Variants in ZNF200 observed in about 807,000 individuals in gnomAD.
ZNF200 encodes zinc finger protein 200.
A neutral mutation model predicts 33.6 loss-of-function variants in ZNF200; 35 were observed. That is an observed-to-expected ratio of 1.04 (90% CI 0.80 to 1.38). The LOEUF (loss-of-function observed/expected upper bound fraction) is 1.38. Ranked by LOEUF, ZNF200 falls within the 40% of genes most tolerant of loss-of-function variation. The pLI is 0.00. For synonymous variants in ZNF200, 209 were observed against 167.7 expected, an observed-to-expected ratio of 1.25 and a Z score of -1.90; for missense variants, 592 against 470.6, an observed-to-expected ratio of 1.26 and a Z score of -2.39.
Position 3,222,779 on chromosome 16 carries a change from A to C in ZNF200, c.*1113T>G, listed in dbSNP as rs1319235269. The stretch of plus-strand genomic sequence containing the variant: ...CTAGGCAGAGGACAGGAAGGTATGG[A>C]TATCAAGAGGCTGAAGACAATTAAT... On this transcript the variant is annotated 3_prime_UTR_variant, in exon 5 of 5. Coordinates refer to ENST00000414144, the MANE Select transcript of ZNF200 (RefSeq NM_198088.3). The C allele has an allele frequency of 6.6e-6, 1 of 152,250 alleles. No individual in the cohort carries two copies. The highest frequency in any genetic ancestry group is 1.5e-5 in the Non-Finnish European group (1 of 68,054). 9.4% of individuals were successfully genotyped at this position (152,250 alleles called of 1,614,324 possible).
Position 3,233,706 on chromosome 16 carries a change from A to G in ZNF200, c.50T>C (p.Phe17Ser). 6.2e-7 allele frequency: 1 copy of G among 1,613,682 alleles called. No homozygotes were observed. Among genetic ancestry groups the G allele is most frequent in the Non-Finnish European group, 8.5e-7 (1 of 1,179,914 alleles). The change falls in exon 2 of 5, where the codon TTT becomes TCT. Residue 17 changes from phenylalanine to serine, a missense_variant. By Grantham distance (155) the Phe-to-Ser change is radical. Coordinates refer to ENST00000414144, the MANE Select transcript of ZNF200 (RefSeq NM_198088.3). ...VPMPPKPKQS[F>S]ILRVPPDSKL... ...GGAGTCTGGCGGAACTCTCAGTATA[A>G]AGGACTGCTTTGGCTTTGGGGGCAT...
intron 4 of ZNF200, among the ~76,000 whole-genome samples, chr16:3,228,152 T>C (rs953738049): frequency 8.5e-5 from 13 of 152,216 alleles, no homozygotes; most frequent in African/African-American, 2.7e-4. Context: ...TAAACTTTCA[T>C]GTTTCTATTC....
rs1207428712 is a variant in ZNF200 at position 3,224,411 on chromosome 16, C to G, written c.669G>C (p.Glu223Asp). 19 of 1,614,166 alleles carry G rather than the reference C, an allele frequency of 1.2e-5. No individual in the cohort carries two copies. Among genetic ancestry groups the G allele is most frequent in the Non-Finnish European group, 1.5e-5 (18 of 1,180,030 alleles). ...RKMRNLLVTI[E>D]NDTPLEELSK... ...AGAGTTCCTCTAGAGGAGTATCATT[C>G]TCAATGGTAACTAACAGATTTCTCA... is the stretch of plus-strand genomic sequence containing the variant. Residue 223 changes from glutamate (E) to aspartate (D), a missense_variant, in exon 5 of 5, where the codon GAG becomes GAC. Physicochemically the swap from Glu to Asp is conservative, Grantham distance 45 (BLOSUM62 2). Transcript: ENST00000414144.
In ZNF200 at chr16:3,222,776, T is replaced by C. The variant is rs1373919018; in HGVS notation, c.*1116A>G. The C allele has an allele frequency of 6.6e-6, 1 of 152,224 alleles. No individual in the cohort carries two copies. Among genetic ancestry groups the C allele is most frequent in the African/African-American group, 2.4e-5 (1 of 41,444 alleles). 9.4% of individuals were successfully genotyped at this position (152,224 alleles called of 1,614,324 possible). The stretch of plus-strand genomic sequence containing the variant: ...CTTCTAGGCAGAGGACAGGAAGGTA[T>C]GGATATCAAGAGGCTGAAGACAATT... On this transcript the variant is annotated 3_prime_UTR_variant, in exon 5 of 5. Transcript: ENST00000414144.
chr16:3,223,948 T>G lies in ZNF200; in HGVS notation c.1132A>C (p.Asn378His), dbSNP rs765774396. 1.9e-6 allele frequency: 3 copies of G among 1,614,130 alleles called. No homozygotes were observed. The highest frequency in any genetic ancestry group is 2.5e-6 in the Non-Finnish European group (3 of 1,180,016). Residue 378 changes from asparagine (N) to histidine (H), a missense_variant, in exon 5 of 5, where the codon AAC (asparagine) becomes CAC (histidine). Asn to His is a moderately conservative substitution (Grantham distance 68, BLOSUM62 1). Transcript: ENST00000414144. ...TGGGTTTTCTCATGCCGGGTACAGT[T>G]TGACAGCCGACCAAATCTTCTCCCA... ...KCGRRFGRLS[N>H]CTRHEKTHSA...
chr16:3,224,074 A>ATT lies in ZNF200; in HGVS notation c.1005_1006insAA (p.Phe336AsnfsTer70). Reference sequence around the variant, plus strand: ...GTTTTCCCACATTCTGGACACTTAAATATCTTCTCCCTTATATGGATTCCT... The same window carrying ATT: ...GTTTTCCCACATTCTGGACACTTAAATTTATCTTCTCCCTTATATGGATTCCT... On this transcript the variant is annotated frameshift_variant, in exon 5 of 5. Coordinates refer to ENST00000414144, the MANE Select transcript of ZNF200 (RefSeq NM_198088.3). LOFTEE classifies it high-confidence loss of function. 6.2e-7 allele frequency: 1 copy of ATT among 1,614,128 alleles called. No homozygotes were observed. Among genetic ancestry groups the ATT allele is most frequent in the Non-Finnish European group, 8.5e-7 (1 of 1,180,028 alleles).
chr16:3,228,790 G>C (rs1596337777), intron 4 of ZNF200, among the ~76,000 whole-genome samples: 1 of 152,072 alleles, frequency 6.6e-6, no homozygotes, highest in Non-Finnish European at 1.5e-5. Context: ...GTGAACCACT[G>C]TGCCCAGCAT....
chr16:3,230,915 A>C (rs1051964898), intron 4 of ZNF200, among the ~76,000 whole-genome samples: 2 of 152,238 alleles, frequency 1.3e-5, no homozygotes, highest in African/African-American at 4.8e-5. Context: ...TTATACCTAT[A>C]AAAATTTCAC....
chr16:3,224,327 C>G lies in ZNF200; in HGVS notation c.753G>C (p.Trp251Cys). Residue 251 changes from tryptophan to cysteine, a missense_variant, in exon 5 of 5, where the codon TGG becomes TGC. Coordinates refer to ENST00000414144, the MANE Select transcript of ZNF200 (RefSeq NM_198088.3). ...GTTTCCCACACAGTGGACAAGTGTA[C>G]CATCTCCTTGTCCTCCGATTTCGAG... ...ALTRNRRTRR[W>C]YTCPLCGKQF... is the part of the protein sequence containing the mutation. 2 of 1,614,150 alleles carry G rather than the reference C, an allele frequency of 1.2e-6. No homozygotes were observed. Among genetic ancestry groups the G allele is most frequent in the East Asian group, 4.5e-5 (2 of 44,892 alleles).
chr16:3,224,183 C>T lies in ZNF200; in HGVS notation c.897G>A (p.Glu299=), dbSNP rs1242779728. ...AAGGTTTCTCTCCTGTATGAATTCG[C>T]TCATGTTTATTGAGGTTTGTTTTAT... ...FNHKTNLNKH[E]RIHTGEKPYS... is the part of the protein sequence containing the mutation. The change falls in exon 5 of 5, where the codon GAG becomes GAA. Residue 299 remains glutamate, a synonymous_variant. Coordinates refer to ENST00000414144, the MANE Select transcript of ZNF200 (RefSeq NM_198088.3). The T allele has an allele frequency of 3.1e-6, 5 of 1,614,166 alleles. No individual in the cohort carries two copies. The highest frequency in any genetic ancestry group is 2.2e-5 in the East Asian group (1 of 44,884).
Position 3,223,938 on chromosome 16 carries a change from CG to C in ZNF200, c.1141del (p.Arg381GlyfsTer24), listed in dbSNP as rs755097748. 1 of 1,613,854 alleles carries C rather than the reference CG, an allele frequency of 6.2e-7. No homozygotes were observed. The highest frequency in any genetic ancestry group is 8.5e-7 in the Non-Finnish European group (1 of 1,179,962). On this transcript the variant is annotated frameshift_variant, in exon 5 of 5. Coordinates refer to ENST00000414144, the MANE Select transcript of ZNF200 (RefSeq NM_198088.3). LOFTEE classifies it high-confidence loss of function. Reference protein sequence around the residue: ...RRFGRLSNCTRHEKTHSACKT... With the variant: ...RRFGRLSNCTXHEKTHSACKT... ...ACAGGCTGAGTGGGTTTTCTCATGC[CG>C]GGTACAGTTTGACAGCCGACCAAAT...
At chr16:3,227,808 C>G (rs979602909) in intron 4 of ZNF200, 3 of 152,116 alleles carry the variant, frequency 2.0e-5, no homozygotes, top group Admixed American at 6.6e-5. Context: ...TATAAATTAC[C>G]AAGTCTCGGA....
chr16:3,233,823 G>T lies in ZNF200; in HGVS notation c.-68C>A. On this transcript the variant is annotated 5_prime_UTR_variant, in exon 2 of 5. Coordinates refer to ENST00000414144, the MANE Select transcript of ZNF200 (RefSeq NM_198088.3). Reference sequence around the variant, plus strand: ...AGCCACCTCTTACTAGAGGAAATCTGCCAGAGAGCCAAGCTGTAGACAGAG... The same window carrying T: ...AGCCACCTCTTACTAGAGGAAATCTTCCAGAGAGCCAAGCTGTAGACAGAG... The T allele has an allele frequency of 6.5e-7, 1 of 1,531,186 alleles. No homozygotes were observed. Among genetic ancestry groups the T allele is most frequent in the Admixed American group, 2.1e-5 (1 of 48,534 alleles). 94.8% of individuals were successfully genotyped at this position (1,531,186 alleles called of 1,614,324 possible).
chr16:3,228,544 G>C (rs1958540169), intron 4 of ZNF200, among the ~76,000 whole-genome samples: 1 of 151,760 alleles, frequency 6.6e-6, no homozygotes, highest in Non-Finnish European at 1.5e-5. Context: ...CCCTAGGCTG[G>C]AGTACAATGA....
At chr16:3,231,691 C>T (rs77087757) in intron 4 of ZNF200, among the ~76,000 whole-genome samples, 1,869 of 152,288 alleles carry the variant, frequency 0.012, 37 homozygotes, top group African/African-American at 0.041. Flanking sequence ...ACCAACCATA[C>T]ACGGAATTCA....
chr16:3,233,889 C>A, intron 1 of ZNF200, 53 bp from the exon 2 acceptor site: 1 of 1,414,726 alleles, frequency 7.1e-7, no homozygotes, highest in Non-Finnish European at 9.5e-7. Flanking sequence ...GGCATTACTG[C>A]ACTCCAATAT....
At position 3,224,346 on chromosome 16, in the gene ZNF200, T is replaced by C. The variant is rs1161228522; in HGVS notation, c.734A>G (p.Asn245Ser). ...AGTGTACCATCTCCTTGTCCTCCGA[T>C]TTCGAGTAAGGGCAATAATACTGAT... ...VDISIIALTR[N>S]RRTRRWYTCP... The change falls in exon 5 of 5, where the codon AAT becomes AGT. Residue 245 changes from asparagine (N) to serine (S), a missense_variant. Asn to Ser is a conservative substitution (Grantham distance 46, BLOSUM62 1). Coordinates refer to ENST00000414144, the MANE Select transcript of ZNF200 (RefSeq NM_198088.3). 1.2e-6 allele frequency: 2 copies of C among 1,614,082 alleles called. No homozygotes were observed. Among genetic ancestry groups the C allele is most frequent in the African/African-American group, 1.3e-5 (1 of 74,940 alleles).
In ZNF200 at chr16:3,233,647, T is replaced by C. The variant is rs145647523; in HGVS notation, c.109A>G (p.Asn37Asp). The part of the protein sequence containing the change: ...LGQDLLRDAT[N>D]GPKTIHQLVL... ...AGCTGGTGGATGGTCTTGGGCCCGTTAGTGGCATCTCGAAGTAGGTCTTGG... is the reference window on the plus strand; with the variant it reads ...AGCTGGTGGATGGTCTTGGGCCCGTCAGTGGCATCTCGAAGTAGGTCTTGG... Residue 37 changes from asparagine to aspartate, a missense_variant, in exon 2 of 5, where the codon AAC (asparagine) becomes GAC (aspartate). Asn to Asp is a conservative substitution (Grantham distance 23, BLOSUM62 1). Coordinates refer to ENST00000414144, the MANE Select transcript of ZNF200 (RefSeq NM_198088.3). The C allele has an allele frequency of 4.3e-6, 7 of 1,613,932 alleles. No individual in the cohort carries two copies. Among genetic ancestry groups the C allele is most frequent in the Non-Finnish European group, 5.9e-6 (7 of 1,179,980 alleles).
Position 3,223,850 on chromosome 16 carries a change from A to G in ZNF200, c.*42T>C. 6.5e-7 allele frequency: 1 copy of G among 1,540,634 alleles called. No individual in the cohort carries two copies. Among genetic ancestry groups the G allele is most frequent in the South Asian group, 1.3e-5 (1 of 78,864 alleles). ...TTCAGAACTACTTATGAAAGCTCTCAGGTTGAGGCAGCACCATCAGACCCA... is the reference window on the plus strand; with the variant it reads ...TTCAGAACTACTTATGAAAGCTCTCGGGTTGAGGCAGCACCATCAGACCCA... On this transcript the variant is annotated 3_prime_UTR_variant, in exon 5 of 5. Transcript: ENST00000414144.
Sources: allele counts gnomAD v4.1 joint callset (sites outside exome capture counted in the v4.1 genomes callset), GRCh38; gene constraint gnomAD v4.1.1; transcripts MANE v1.5; gene names NCBI Gene and HGNC (gene_info 2026-07-23, HGNC 2026-07-21).